Variants in ZSCAN29 observed in about 807,000 individuals in gnomAD.
The protein encoded by ZSCAN29 is zinc finger and SCAN domain-containing protein 29.
In ZSCAN29, 55 loss-of-function variants were observed where a neutral mutation model predicts 71.9. The observed-to-expected ratio is 0.76, with a 90% CI of 0.62 to 0.96. The LOEUF is 0.96. Ranked by LOEUF, ZSCAN29 falls within the 40% of genes least tolerant of loss-of-function variation. The pLI is 0.00. For missense variants in ZSCAN29, 1,042 were observed against 1,042.2 expected, an observed-to-expected ratio of 1.00 and a Z score of 0.00; for synonymous variants, 351 against 371.6, an observed-to-expected ratio of 0.94 and a Z score of 0.64.
Position 43,360,906 on chromosome 15 carries a change from G to T in ZSCAN29, c.*167C>A. The T allele has an allele frequency of 1.1e-6, 1 of 895,940 alleles. No homozygotes were observed. Among genetic ancestry groups the T allele is most frequent in the Non-Finnish European group, 1.7e-6 (1 of 590,590 alleles). The allele number at this position is 895,940 out of a possible 1,614,324, so 55.5% of individuals were successfully genotyped here. On this transcript the variant is annotated 3_prime_UTR_variant, in exon 6 of 6. Transcript: ENST00000684362. ...TTCCTTTCATTCTTTAGACTGCCTTGGGGATTTGAGTCTAGATCAGGAAAA... is the reference window on the plus strand; with the variant it reads ...TTCCTTTCATTCTTTAGACTGCCTTTGGGATTTGAGTCTAGATCAGGAAAA...
chr15:43,364,892 CAAAAAAAA>C (rs57976198), intron 4 of ZSCAN29, among the ~76,000 whole-genome samples: 2 of 38,940 alleles, frequency 5.1e-5, no homozygotes, highest in African/African-American at 1.7e-4. Flanking sequence ...GACTCTGTCT[CAAAAAAAA>C]AAAAAAAAAA....
At position 43,361,722 on chromosome 15, in the gene ZSCAN29, TCA is replaced by T; in HGVS notation, c.1908_1909del (p.Ser636ArgfsTer16). ...GCAAGGTCTCTGTTGACTTAGGACT[TCA>T]CTTAAGCTCTTCTCCGGGAGTGTCA... On this transcript the variant is annotated frameshift_variant, in exon 6 of 6. Transcript: ENST00000684362. LOFTEE classifies it high-confidence loss of function. 2 of 1,614,184 alleles carry T rather than the reference TCA, an allele frequency of 1.2e-6. No homozygotes were observed. Among genetic ancestry groups the T allele is most frequent in the Non-Finnish European group, 1.7e-6 (2 of 1,180,026 alleles).
In ZSCAN29 at chr15:43,366,121, C is replaced by A. The variant is rs755636366; in HGVS notation, c.1211G>T (p.Arg404Ile). The A allele has an allele frequency of 1.1e-5, 17 of 1,600,654 alleles. No individual in the cohort carries two copies. Among genetic ancestry groups the A allele is most frequent in the Non-Finnish European group, 1.4e-5 (17 of 1,173,816 alleles). Residue 404 changes from arginine to isoleucine, a missense_variant, in exon 4 of 6, where the codon AGA (arginine) becomes ATA (isoleucine). Transcript: ENST00000684362. The part of the protein sequence containing the change: ...DPNSAAPVVF[R>I]SPGGVHWGYE... Reference sequence around the variant, plus strand: ...GAAAAGCTTCTTACCACCTGGGCTTCTGAACACAACAGGTGCAGCTGAGTT... The same window carrying A: ...GAAAAGCTTCTTACCACCTGGGCTTATGAACACAACAGGTGCAGCTGAGTT...
intron 5 of ZSCAN29, among the ~76,000 whole-genome samples, chr15:43,363,390 T>C (rs2044002151): frequency 6.6e-6 from 1 of 152,182 alleles, no homozygotes; most frequent in Non-Finnish European, 1.5e-5. Context: ...TGGAAGCCCT[T>C]GTGAAGTATT....
Position 43,361,211 on chromosome 15 carries a change from T to G in ZSCAN29, c.2421A>C (p.Ala807=), listed in dbSNP as rs2043974980. Residue 807 remains alanine, a synonymous_variant, in exon 6 of 6, where the codon GCA becomes GCC. Transcript: ENST00000684362. ...KSFSKSSDLR[A]HHRTHTGEKP... The stretch of plus-strand genomic sequence containing the variant: ...TCTCTCCTGTGTGGGTTCTATGATG[T>G]GCACGTAAGTCAGAACTCTTACTGA... 2 of 1,613,604 alleles carry G rather than the reference T, an allele frequency of 1.2e-6. No homozygotes were observed. Among genetic ancestry groups the G allele is most frequent in the African/African-American group, 2.7e-5 (2 of 74,806 alleles).
rs1424472047 is a variant in ZSCAN29 at position 43,361,368 on chromosome 15, G to T, written c.2264C>A (p.Thr755Asn). 8 of 1,614,058 alleles carry T rather than the reference G, an allele frequency of 5.0e-6. No homozygotes were observed. Among genetic ancestry groups the T allele is most frequent in the Admixed American group, 1.7e-5 (1 of 60,018 alleles). ...TTGATAGGGCTTTTCTCCTGTGTGG[G>T]TTCTCTGGTGAATGATAAGGCTTGA... ...QSSSLIIHQR[T>N]HTGEKPYQCE... The change falls in exon 6 of 6, where the codon ACC (threonine) becomes AAC (asparagine). Residue 755 changes from threonine to asparagine, a missense_variant. Coordinates refer to ENST00000684362, the MANE Select transcript of ZSCAN29 (RefSeq NM_001372080.1).
rs531960195 is a variant in ZSCAN29, at chr15:43,358,819, T to C, written c.*2254A>G. On this transcript the variant is annotated 3_prime_UTR_variant, in exon 6 of 6. Transcript: ENST00000684362. ...TCAGCTGTTTCCTTATCAATAGTTATAGCGTAGTACCTGATTTACTATAGA... is the reference window on the plus strand; with the variant it reads ...TCAGCTGTTTCCTTATCAATAGTTACAGCGTAGTACCTGATTTACTATAGA... The C allele has an allele frequency of 1.3e-5, 2 of 152,270 alleles. No homozygotes were observed. The highest frequency in any genetic ancestry group is 2.9e-5 in the Non-Finnish European group (2 of 68,052). The allele number at this position is 152,270 out of a possible 1,614,324, so 9.4% of individuals were successfully genotyped here.
chr15:43,362,134 T>C (rs1174098316), intron 5 of ZSCAN29, among the ~76,000 whole-genome samples, 193 bp from the exon 6 acceptor site: 1 of 152,234 alleles, frequency 6.6e-6, no homozygotes, highest in Non-Finnish European at 1.5e-5. Context: ...CATGTGCTTC[T>C]CATCTACATA....
Position 43,369,842 on chromosome 15 carries a change from G to C in ZSCAN29, c.72C>G (p.Phe24Leu), listed in dbSNP as rs2142741157. Residue 24 changes from phenylalanine (F) to leucine (L), a missense_variant, in exon 2 of 6, where the codon TTC becomes TTG. By Grantham distance (22) the Phe-to-Leu change is conservative. Coordinates refer to ENST00000684362, the MANE Select transcript of ZSCAN29 (RefSeq NM_001372080.1). The stretch of plus-strand genomic sequence containing the variant: ...GCGGCCCAGCCACCTCCTGGTAATG[G>C]AATCTCCTGAAACGCTGTCGGAAGG... ...SETFRQRFRR[F>L]HYQEVAGPRE... 2 of 1,613,894 alleles carry C rather than the reference G, an allele frequency of 1.2e-6. No individual in the cohort carries two copies. Among genetic ancestry groups the C allele is most frequent in the South Asian group, 1.1e-5 (1 of 91,088 alleles).
At chr15:43,363,690 A>C in intron 5 of ZSCAN29, 1 of 454,202 alleles carries the variant, frequency 2.2e-6, no homozygotes, top group Non-Finnish European at 3.9e-6. Flanking sequence ...CAGCAAATTT[A>C]CAATGTGCAG....
rs1304365416 is a variant in ZSCAN29 at position 43,369,587 on chromosome 15, C to T, written c.318+9G>A. ...CACTTTTGAATTTGAATTCCCCCTC[C>T]CTTCTCACCGAAGATCTAGGTCTTC... On this transcript the variant is annotated intron_variant, in intron 2 of 5. Coordinates refer to ENST00000684362, the MANE Select transcript of ZSCAN29 (RefSeq NM_001372080.1). 7 of 1,607,514 alleles carry T rather than the reference C, an allele frequency of 4.4e-6. No homozygotes were observed. The East Asian group carries it at 1.1e-4, about 26-fold the overall frequency.
At position 43,360,317 on chromosome 15, in the gene ZSCAN29, C is replaced by G. The variant is rs2043966394; in HGVS notation, c.*756G>C. 6.6e-6 allele frequency: 1 copy of G among 150,520 alleles called. No individual in the cohort carries two copies. The highest frequency in any genetic ancestry group is 2.5e-5 in the African/African-American group (1 of 40,592). 9.3% of individuals were successfully genotyped at this position (150,520 alleles called of 1,614,324 possible). A position where few individuals can be genotyped will look rare whatever the true frequency, so the allele number is the denominator to read the frequency against. On this transcript the variant is annotated 3_prime_UTR_variant, in exon 6 of 6. Transcript: ENST00000684362. Reference sequence around the variant, plus strand: ...TGAGATCATGCCACTGCACTCCAGCCTGGACGACAGAGTGAGACTCCATCT... The same window carrying G: ...TGAGATCATGCCACTGCACTCCAGCGTGGACGACAGAGTGAGACTCCATCT...
rs768168525 is a variant in ZSCAN29 at position 43,369,764 on chromosome 15, C to T, written c.150G>A (p.Glu50=). The change falls in exon 2 of 6, where the codon GAG becomes GAA. Residue 50 remains glutamate (E), a synonymous_variant. Transcript: ENST00000684362. ...WELCCRWLRP[E]VRTKEQIVEL... is the part of the protein sequence containing the mutation. The stretch of plus-strand genomic sequence containing the variant: ...CTACAATCTGCTCCTTGGTGCGCAC[C>T]TCCGGCCTTAGCCACCGACAGCAAA... The T allele has an allele frequency of 3.7e-6, 6 of 1,614,156 alleles. No homozygotes were observed. The African/African-American group carries it at 4.0e-5, about 11-fold the overall frequency.
intron 3 of ZSCAN29, among the ~76,000 whole-genome samples, chr15:43,367,110 A>C (rs2044047552): frequency 6.6e-6 from 1 of 152,214 alleles, no homozygotes; most frequent in Non-Finnish European, 1.5e-5. Context: ...TGCTGGGAAT[A>C]ATTGTTCTTC....
In ZSCAN29 at chr15:43,360,344, G is replaced by GAA. The variant is rs35479272; in HGVS notation, c.*727_*728dup. ...GGACGACAGAGTGAGACTCCATCTC[G>GAA]AAAAAAAAAAGCCCGGCGCAGTGGC... is the stretch of plus-strand genomic sequence containing the variant. On this transcript the variant is annotated 3_prime_UTR_variant, in exon 6 of 6. Coordinates refer to ENST00000684362, the MANE Select transcript of ZSCAN29 (RefSeq NM_001372080.1). 3 of 129,560 alleles carry GAA rather than the reference G, an allele frequency of 2.3e-5. No homozygotes were observed. Among genetic ancestry groups the GAA allele is most frequent in the Middle Eastern group, 4.9e-3 (1 of 206 alleles). 8.0% of individuals were successfully genotyped at this position (129,560 alleles called of 1,614,324 possible).
Position 43,366,405 on chromosome 15 carries a change from A to T in ZSCAN29, c.927T>A (p.Tyr309Ter). Residue 309 changes from tyrosine (Y) to a stop codon, truncating the protein, a stop_gained, in exon 4 of 6, where the codon TAT becomes TAA. Transcript: ENST00000684362. LOFTEE classifies it high-confidence loss of function. Reference sequence around the variant, plus strand: ...GTGGGTGGCCGCTCTTGACTTTCCGATAGCTCTTCTGGAGACCTTTGAACT... The same window carrying T: ...GTGGGTGGCCGCTCTTGACTTTCCGTTAGCTCTTCTGGAGACCTTTGAACT... ...RTKFKGLQKS[Y>*]RKVKSGHPPE... 6.2e-6 allele frequency: 10 copies of T among 1,614,024 alleles called. No individual in the cohort carries two copies. The highest frequency in any genetic ancestry group is 8.5e-6 in the Non-Finnish European group (10 of 1,180,018).
At chr15:43,363,095 A>G (rs757084764) in intron 5 of ZSCAN29, among the ~76,000 whole-genome samples, 36 of 152,024 alleles carry the variant, frequency 2.4e-4, no homozygotes, top group Admixed American at 1.8e-3. Context: ...CTCCTGCCTC[A>G]GCCACCCAAG....
chr15:43,366,693 G>A lies in ZSCAN29; in HGVS notation c.639C>T (p.Asp213=), dbSNP rs1051697347. ...GTAACAGATCAGCATGCACTCGTCT[G>A]TCTCCTATGTGGCTGCCACTTGGAA... The part of the protein sequence containing the change: ...KELPSGSHIG[D]RRVHADLLPS... Residue 213 remains aspartate, a synonymous_variant, in exon 4 of 6, where the codon GAC becomes GAT. Coordinates refer to ENST00000684362, the MANE Select transcript of ZSCAN29 (RefSeq NM_001372080.1). 2 of 1,614,102 alleles carry A rather than the reference G, an allele frequency of 1.2e-6. No individual in the cohort carries two copies. Among genetic ancestry groups the A allele is most frequent in the African/African-American group, 2.7e-5 (2 of 74,938 alleles).
At position 43,366,226 on chromosome 15, in the gene ZSCAN29, T is replaced by C. The variant is rs568348919; in HGVS notation, c.1106A>G (p.His369Arg). Reference protein sequence around the residue: ...TEEPGQRGWQHEEGAEEAVAQ... With the variant: ...TEEPGQRGWQREEGAEEAVAQ... ...CACAGCCTCTTCTGCTCCCTCCTCA[T>C]GCTGCCAGCCCCTCTGCCCTGGCTC... Residue 369 changes from histidine (H) to arginine (R), a missense_variant, in exon 4 of 6, where the codon CAT becomes CGT. His to Arg is a conservative substitution (Grantham distance 29, BLOSUM62 0). Coordinates refer to ENST00000684362, the MANE Select transcript of ZSCAN29 (RefSeq NM_001372080.1). 1.2e-6 allele frequency: 2 copies of C among 1,613,910 alleles called. No individual in the cohort carries two copies. The highest frequency in any genetic ancestry group is 2.2e-5 in the South Asian group (2 of 91,084).
Sources: allele counts gnomAD v4.1 joint callset (sites outside exome capture counted in the v4.1 genomes callset), GRCh38; gene constraint gnomAD v4.1.1; transcripts MANE v1.5; gene names NCBI Gene and HGNC (gene_info 2026-07-23, HGNC 2026-07-21).